The following EYS variants were observed in gnomAD, a reference collection of about 807,000 sequenced individuals.
EYS encodes the protein protein eyes shut homolog.
Under a neutral mutation model 282.1 loss-of-function variants are expected in EYS, and 250 were observed. The ratio of observed to expected loss-of-function variants is 0.89; its 90% CI spans 0.80 to 0.98. The LOEUF (loss-of-function observed/expected upper bound fraction) is 0.98, where lower values mean the gene tolerates loss of function less well. Among genes scored for constraint, EYS ranks in the 50% least tolerant of loss-of-function variants. The pLI, the probability that EYS is intolerant of heterozygous loss-of-function variation, is 0.00. For synonymous variants in EYS, 1,355 were observed against 1,282.9 expected (o/e 1.06, Z -1.20); for missense variants, 4,016 against 3,709.0 (o/e 1.08, Z -2.15).
chr6:64,283,441 C>T (rs1490540059), intron 30 of EYS, among the ~76,000 whole-genome samples: 1 of 152,142 alleles, frequency 6.6e-6, no homozygotes, highest in Admixed American at 6.5e-5. Context: ...TTAGTTCACA[C>T]TGTATTCTCA....
At chr6:64,748,180 A>G (rs1001920581) in intron 22 of EYS, among the ~76,000 whole-genome samples, 3 of 152,246 alleles carry the variant, frequency 2.0e-5, no homozygotes, top group Non-Finnish European at 4.4e-5. Flanking sequence ...CTTGTGCTAC[A>G]TATTTAAAGA....
chr6:65,703,011 A>G (rs540258788), intron 1 of EYS, among the ~76,000 whole-genome samples: 156 of 152,294 alleles, frequency 1.0e-3, no homozygotes, highest in African/African-American at 3.5e-3. Flanking sequence ...TAAGGCTTTT[A>G]GAGAAAAGAC....
rs80051446 is a variant in EYS, at chr6:65,706,389, C to G, written c.-448+746G>C. 1.1e-4 allele frequency among the ~76,000 whole-genome samples: 16 copies of G among 152,044 alleles called. No individual in the cohort carries two copies. The East Asian group carries it at 3.1e-3, about 29-fold the overall frequency. On this transcript the variant is annotated intron_variant, in intron 1 of 42. Coordinates refer to ENST00000503581, the MANE Select transcript of EYS (RefSeq NM_001142800.2). Reference sequence around the variant, plus strand: ...TAAAGATTTTTAAGCTCATTAAAGTCATAAGAATTAAACAGAACTAATAAA... The same window carrying G: ...TAAAGATTTTTAAGCTCATTAAAGTGATAAGAATTAAACAGAACTAATAAA...
At chr6:64,319,111 A>G (rs113142592) in intron 29 of EYS, among the ~76,000 whole-genome samples, 35 of 151,962 alleles carry the variant, frequency 2.3e-4, no homozygotes, top group African/African-American at 7.2e-4. Context: ...CTGTTTTTTA[A>G]TGGTAGTCTT....
At chr6:65,401,599 A>C (rs1234363936) in intron 7 of EYS, among the ~76,000 whole-genome samples, 1 of 151,892 alleles carries the variant, frequency 6.6e-6, no homozygotes, top group Non-Finnish European at 1.5e-5. Context: ...TATAATGATA[A>C]GGTTTATTGT....
At chr6:63,859,055 T>C (rs996031894) in intron 36 of EYS, among the ~76,000 whole-genome samples, 3 of 149,104 alleles carry the variant, frequency 2.0e-5, no homozygotes, top group South Asian at 4.2e-4. Flanking sequence ...TAATTTTGAT[T>C]TCCATTGATG....
intron 22 of EYS, among the ~76,000 whole-genome samples, chr6:64,784,075 T>G (rs183137387): frequency 6.6e-6 from 1 of 152,304 alleles, no homozygotes; most frequent in African/African-American, 2.4e-5. Flanking sequence ...GGTTACTATA[T>G]GTGATTAACA....
At chr6:63,951,888 C>T (rs1191463076) in intron 35 of EYS, among the ~76,000 whole-genome samples, 2 of 152,120 alleles carry the variant, frequency 1.3e-5, no homozygotes, top group African/African-American at 2.4e-5. Flanking sequence ...GCTTTACAGC[C>T]CTAGACTCTG....
chr6:64,509,850 G>A (rs1220708886), intron 26 of EYS, among the ~76,000 whole-genome samples: 1 of 152,064 alleles, frequency 6.6e-6, no homozygotes, highest in African/African-American at 2.4e-5. Flanking sequence ...TGCTACTTTT[G>A]GAGCAATATA....
chr6:64,253,750 A>G (rs957905119), intron 30 of EYS, among the ~76,000 whole-genome samples: 6 of 151,624 alleles, frequency 4.0e-5, no homozygotes, highest in African/African-American at 1.5e-4. Context: ...GACTTAGTGC[A>G]GGGGGGTTTA....
chr6:65,160,758 T>C (rs2150221318), intron 12 of EYS, among the ~76,000 whole-genome samples: 1 of 151,108 alleles, frequency 6.6e-6, no homozygotes, highest in African/African-American at 2.4e-5. Context: ...AATTCTCTGA[T>C]ATGCACAAGA....
intron 26 of EYS, among the ~76,000 whole-genome samples, chr6:64,486,791 G>A (rs965426731): frequency 6.6e-6 from 1 of 151,262 alleles, no homozygotes; most frequent in Non-Finnish European, 1.5e-5. Flanking sequence ...AAATCATCCA[G>A]GCTTAATGAA....
chr6:64,433,173 G>C (rs1250341490), intron 28 of EYS, among the ~76,000 whole-genome samples: 1 of 151,900 alleles, frequency 6.6e-6, no homozygotes, highest in Non-Finnish European at 1.5e-5. Context: ...GCACAATTTT[G>C]CTGTCCTTTT....
At position 65,157,641 on chromosome 6, in the gene EYS, G is replaced by C. The variant is rs185719971; in HGVS notation, c.2024-99914C>G. On this transcript the variant is annotated intron_variant, in intron 12 of 42. Coordinates refer to ENST00000503581, the MANE Select transcript of EYS (RefSeq NM_001142800.2). ...AAATTTAGTTCTCTAAACTAGTCTG[G>C]GTTAGAAAAATGCATGAAAATTATA... 8.0e-5 allele frequency among the ~76,000 whole-genome samples: 12 copies of C among 150,222 alleles called. No homozygotes were observed. The East Asian group carries it at 1.8e-3, about 22-fold the overall frequency.
chr6:64,569,403 G>T (rs1434009783), intron 26 of EYS, among the ~76,000 whole-genome samples: 1 of 151,868 alleles, frequency 6.6e-6, no homozygotes, highest in African/African-American at 2.4e-5. Context: ...ACAGATTGAA[G>T]AACAACTTAA....
chr6:64,858,461 C>T (rs943568121), intron 19 of EYS, among the ~76,000 whole-genome samples: 2 of 151,910 alleles, frequency 1.3e-5, no homozygotes, highest in African/African-American at 4.8e-5. Context: ...TGATGTGTCT[C>T]TCTTTTTATG....
chr6:65,147,846 G>T lies in EYS; in HGVS notation c.2024-90119C>A, dbSNP rs993601616. ...GGAATCTTACAAGCATGGTGGAAGG[G>T]GAAACAAAAACGGCCTTCCTTACAA... is the stretch of plus-strand genomic sequence containing the variant. On this transcript the variant is annotated intron_variant, in intron 12 of 42. Transcript: ENST00000503581. Among the ~76,000 whole-genome samples the T allele has an allele frequency of 6.6e-4, 101 of 152,110 alleles. 1 individual carries two copies. The highest frequency in any genetic ancestry group is 2.3e-3 in the African/African-American group (97 of 41,504).
intron 12 of EYS, among the ~76,000 whole-genome samples, chr6:65,182,414 T>C (rs1422857583): frequency 1.3e-5 from 2 of 151,576 alleles, no homozygotes; most frequent in African/African-American, 2.4e-5. Context: ...TGCCCATTTT[T>C]AGTAAATATA....
intron 1 of EYS, among the ~76,000 whole-genome samples, chr6:65,697,536 C>G (rs1423948055): frequency 1.3e-5 from 2 of 151,562 alleles, no homozygotes; most frequent in Non-Finnish European, 2.9e-5. Context: ...GTATGCAGGC[C>G]CACAGAGAAA....
Sources: gnomAD v4.1 joint callset for allele counts (sites outside exome capture counted in the v4.1 genomes callset) on GRCh38, gnomAD v4.1.1 for gene constraint, MANE v1.5 for transcripts, NCBI Gene and HGNC (gene_info 2026-07-23, HGNC 2026-07-21) for gene names.